ADAMTSL3: variants seen among roughly 807,000 people sequenced by gnomAD.
The protein encoded by ADAMTSL3 is ADAMTS-like protein 3.
A neutral mutation model predicts 201.7 loss-of-function variants in ADAMTSL3; 128 were observed. That is an observed-to-expected ratio of 0.63 (90% CI 0.55 to 0.73). The LOEUF is 0.73. ADAMTSL3 is among the 30% of genes least tolerant of loss of function. ADAMTSL3 has a pLI of 0.00. For missense variants in ADAMTSL3, 1,990 were observed against 2,119.6 expected (o/e 0.94, Z 1.20); for synonymous variants, 738 against 748.4 (o/e 0.99, Z 0.23).
intron 3 of ADAMTSL3, among the ~76,000 whole-genome samples, chr15:83,745,900 A>T (rs372223981): frequency 6.6e-6 from 1 of 152,214 alleles, no homozygotes; most frequent in East Asian, 1.9e-4. Context: ...TGTCAGGTAC[A>T]TTATCAAATG....
At chr15:83,824,461 G>A (rs778085860) in intron 6 of ADAMTSL3, among the ~76,000 whole-genome samples, 5 of 152,000 alleles carry the variant, frequency 3.3e-5, no homozygotes, top group Admixed American at 2.6e-4. Context: ...TATTACAGTC[G>A]ATGAACCTAC....
chr15:83,875,926 T>C (rs2065169369), intron 9 of ADAMTSL3, among the ~76,000 whole-genome samples: 1 of 152,202 alleles, frequency 6.6e-6, no homozygotes, highest in African/African-American at 2.4e-5. Context: ...ATGAAATGTG[T>C]CTACTACACT....
At chr15:83,772,644 T>G (rs2063003162) in intron 3 of ADAMTSL3, among the ~76,000 whole-genome samples, 1 of 152,276 alleles carries the variant, frequency 6.6e-6, no homozygotes, top group Non-Finnish European at 1.5e-5. Flanking sequence ...GCAAGGTTTC[T>G]TGGGAGTTAC....
intron 16 of ADAMTSL3, among the ~76,000 whole-genome samples, chr15:83,918,662 C>T (rs1472343519): frequency 6.6e-6 from 1 of 152,140 alleles, no homozygotes; most frequent in African/African-American, 2.4e-5. Flanking sequence ...TGGCATGCTG[C>T]TAGACAGGAA....
intron 3 of ADAMTSL3, among the ~76,000 whole-genome samples, chr15:83,768,516 A>T (rs2062927060): frequency 6.6e-6 from 1 of 152,156 alleles, no homozygotes; most frequent in South Asian, 2.1e-4. Context: ...TTAAGACTTA[A>T]AATGTGCAAA....
chr15:83,991,302 T>C, intron 23 of ADAMTSL3, 88 bp downstream of exon 23: 1 of 1,586,544 alleles, frequency 6.3e-7, no homozygotes, highest in Non-Finnish European at 8.6e-7. Context: ...AGCTGGCATT[T>C]TGGTATTCGA....
chr15:83,935,901 T>TC (rs1271538468), intron 17 of ADAMTSL3, among the ~76,000 whole-genome samples: 1 of 152,046 alleles, frequency 6.6e-6, no homozygotes, highest in African/African-American at 2.4e-5. Flanking sequence ...GCTTGGCACA[T>TC]CATAGGTAAT....
At chr15:83,948,318 T>C (rs2066694754) in intron 19 of ADAMTSL3, among the ~76,000 whole-genome samples, 1 of 151,916 alleles carries the variant, frequency 6.6e-6, no homozygotes, top group African/African-American at 2.4e-5. Context: ...TGGGAGTATT[T>C]ACACCACAGA....
At chr15:83,741,185 AATAG>A (rs1166299629) in intron 3 of ADAMTSL3, among the ~76,000 whole-genome samples, 1 of 151,014 alleles carries the variant, frequency 6.6e-6, no homozygotes, top group Non-Finnish European at 1.5e-5. Context: ...AATATATATT[AATAG>A]ATAGCAATTA....
chr15:83,828,323 T>C (rs1485099685), intron 6 of ADAMTSL3, among the ~76,000 whole-genome samples: 1 of 152,218 alleles, frequency 6.6e-6, no homozygotes, highest in African/African-American at 2.4e-5. Flanking sequence ...TTTGGCTCTC[T>C]GTTAGTCTGT....
At chr15:83,910,722 C>T (rs1034376415) in intron 15 of ADAMTSL3, among the ~76,000 whole-genome samples, 4 of 151,064 alleles carry the variant, frequency 2.6e-5, no homozygotes, top group Non-Finnish European at 5.9e-5. Flanking sequence ...GCAACCTCCA[C>T]CTCCTTGGTT....
chr15:83,926,907 G>A (rs2066256929), intron 17 of ADAMTSL3, among the ~76,000 whole-genome samples: 1 of 152,040 alleles, frequency 6.6e-6, no homozygotes, highest in Non-Finnish European at 1.5e-5. Context: ...ATAAGCCACC[G>A]CACCTGGCCA....
chr15:83,957,974 T>TA (rs1351825630), intron 19 of ADAMTSL3, among the ~76,000 whole-genome samples: 1 of 151,816 alleles, frequency 6.6e-6, no homozygotes, highest in Non-Finnish European at 1.5e-5. Context: ...AATCCCTCAT[T>TA]AAAAAACAAA....
chr15:84,010,423 G>C (rs1478677722), intron 23 of ADAMTSL3, among the ~76,000 whole-genome samples: 1 of 152,198 alleles, frequency 6.6e-6, no homozygotes, highest in Admixed American at 6.5e-5. Context: ...AACCAAAAAA[G>C]TCACGCTGAT....
At chr15:83,663,605 C>T (rs2061206169) in intron 2 of ADAMTSL3, among the ~76,000 whole-genome samples, 1 of 152,144 alleles carries the variant, frequency 6.6e-6, no homozygotes, top group Non-Finnish European at 1.5e-5. Flanking sequence ...CTCCTTTCAC[C>T]CTGTTTCAGT....
chr15:83,924,869 C>T (rs540674334), intron 17 of ADAMTSL3, among the ~76,000 whole-genome samples: 14 of 152,274 alleles, frequency 9.2e-5, no homozygotes, highest in South Asian at 2.1e-4. Context: ...TCCCAGTAAC[C>T]TCCTGCCTCT....
intron 7 of ADAMTSL3, among the ~76,000 whole-genome samples, chr15:83,847,560 A>G (rs980880500): frequency 6.6e-6 from 1 of 151,098 alleles, no homozygotes; most frequent in South Asian, 2.1e-4. Context: ...CAATGGTGCA[A>G]TCTCAGTTCA....
intron 24 of ADAMTSL3, among the ~76,000 whole-genome samples, chr15:84,016,169 T>G (rs768441106): frequency 7.9e-5 from 12 of 152,186 alleles, no homozygotes; most frequent in Non-Finnish European, 1.8e-4. Context: ...AGATGCCACA[T>G]GCTAGCACAG....
At chr15:83,891,010 C>A in intron 11 of ADAMTSL3, 1 of 231,518 alleles carries the variant, frequency 4.3e-6, no homozygotes, top group Non-Finnish European at 8.4e-6. Context: ...GTGTTAATAT[C>A]ACTAATATAT....
Sources: gnomAD v4.1 joint callset for allele counts (sites outside exome capture counted in the v4.1 genomes callset) on GRCh38, gnomAD v4.1.1 for gene constraint, MANE v1.5 for transcripts, NCBI Gene and HGNC (gene_info 2026-07-23, HGNC 2026-07-21) for gene names.